The following ACAP2 variants were observed in gnomAD, a reference collection of about 807,000 sequenced individuals.
The protein encoded by ACAP2 is arf-GAP with coiled-coil, ANK repeat and PH domain-containing protein 2.
ACAP2 carries 39 observed loss-of-function variants against 115.8 expected under a neutral mutation model. That is an observed-to-expected ratio of 0.34 (90% CI 0.26 to 0.44). The LOEUF is 0.44. Among genes scored for constraint, ACAP2 ranks in the 20% least tolerant of loss-of-function variants. The pLI is 1.00. For missense variants in ACAP2, 662 were observed against 927.6 expected (o/e 0.71, Z 3.72); for synonymous variants, 289 against 315.8 (o/e 0.92, Z 0.90).
At chr3:195,342,738 G>GT in intron 5 of ACAP2, 84 bp from the exon 6 acceptor site, 2 of 1,084,248 alleles carry the variant, frequency 1.8e-6, no homozygotes. Context: ...GCTCACACCT[G>GT]TAATCCCAGC....
intron 13 of ACAP2, 70 bp downstream of exon 13, chr3:195,306,441 A>G: frequency 1.1e-6 from 1 of 890,950 alleles, no homozygotes; most frequent in Non-Finnish European, 1.7e-6. Context: ...ACATACAGTC[A>G]TATAACGTTG....
In ACAP2 at chr3:195,285,825, C is replaced by T. The variant is rs1214818848; in HGVS notation, c.2207G>A (p.Arg736Gln). The change falls in exon 22 of 23, where the codon CGG (arginine) becomes CAG (glutamine). Residue 736 changes from arginine to glutamine, a missense_variant. This residue lies in a region of ACAP2 where 128 missense variants were observed against 200.2 expected (regional missense o/e 0.64). Transcript: ENST00000326793. Reference sequence around the variant, plus strand: ...CTGTCCATAAAGTCCTTCTGATTCCCGCATCTCTTCATTCATTCTTGCTAA... The same window carrying T: ...CTGTCCATAAAGTCCTTCTGATTCCTGCATCTCTTCATTCATTCTTGCTAA... ...LRLARMNEEM[R>Q]ESEGLYGQPG... 8.7e-6 allele frequency: 14 copies of T among 1,612,018 alleles called. No individual in the cohort carries two copies. Among genetic ancestry groups the T allele is most frequent in the South Asian group, 7.7e-5 (7 of 90,886 alleles).
At chr3:195,402,744 A>G (rs1712420239) in intron 1 of ACAP2, among the ~76,000 whole-genome samples, 1 of 152,240 alleles carries the variant, frequency 6.6e-6, no homozygotes, top group African/African-American at 2.4e-5. Flanking sequence ...GAAAAGAATC[A>G]AACAAGTTAT....
chr3:195,334,222 C>CAA lies in ACAP2; in HGVS notation c.574-1101_574-1100dup, dbSNP rs34378421. 3.0e-4 allele frequency among the ~76,000 whole-genome samples: 39 copies of CAA among 128,054 alleles called. No individual in the cohort carries two copies. In the South Asian group the frequency reaches 3.6e-3, roughly 12 times the overall value. The allele number at this position is 128,054 out of a possible 152,430, so 84.0% of individuals were successfully genotyped here. ...AAAATCCTCCAAAAAAAACTATTTT[C>CAA]AAAAAAAAAAAAACCATTAAAACAC... is the stretch of plus-strand genomic sequence containing the variant. On this transcript the variant is annotated intron_variant, in intron 7 of 22. Transcript: ENST00000326793.
chr3:195,437,488 A>G (rs111932040), intron 1 of ACAP2, among the ~76,000 whole-genome samples: 104 of 152,320 alleles, frequency 6.8e-4, no homozygotes, highest in African/African-American at 2.4e-3. Flanking sequence ...TAATCTATCA[A>G]AATGTCCAGT....
chr3:195,396,526 G>A (rs757962831), intron 1 of ACAP2, among the ~76,000 whole-genome samples: 48 of 151,964 alleles, frequency 3.2e-4, no homozygotes, highest in Non-Finnish European at 6.2e-4. Flanking sequence ...GGTGGCTCAC[G>A]TCTGTAATCC....
At chr3:195,367,182 C>T (rs896362962) in intron 4 of ACAP2, among the ~76,000 whole-genome samples, 2 of 151,788 alleles carry the variant, frequency 1.3e-5, no homozygotes, top group African/African-American at 4.8e-5. Context: ...CTTGTTCAAA[C>T]ACAGATTGCT....
At chr3:195,299,434 T>C (rs1265287739) in intron 15 of ACAP2, among the ~76,000 whole-genome samples, 1 of 151,000 alleles carries the variant, frequency 6.6e-6, no homozygotes, top group Non-Finnish European at 1.5e-5. Context: ...AAAAAATTAC[T>C]TGGGAGGCTG....
chr3:195,387,862 A>G (rs1734406482), intron 2 of ACAP2, among the ~76,000 whole-genome samples: 2 of 152,218 alleles, frequency 1.3e-5, no homozygotes, highest in Non-Finnish European at 2.9e-5. Flanking sequence ...GAACTGTGCT[A>G]AGTACTTTAC....
chr3:195,442,359 CT>C (rs1716069332), intron 1 of ACAP2: 1 of 201,816 alleles, frequency 5.0e-6, no homozygotes, highest in Admixed American at 6.2e-5. Context: ...AGAGGATGCC[CT>C]GAAAGCTCCC....
chr3:195,319,479 A>C (rs1447609593), intron 10 of ACAP2, among the ~76,000 whole-genome samples: 2 of 152,236 alleles, frequency 1.3e-5, no homozygotes, highest in African/African-American at 4.8e-5. Flanking sequence ...GCAGAGCCAC[A>C]GAGGTGGAGT....
intron 22 of ACAP2, chr3:195,279,889 TAATC>T (rs1726378601): frequency 6.6e-6 from 1 of 152,370 alleles, no homozygotes; most frequent in Non-Finnish European, 1.5e-5. Flanking sequence ...GACAAACTGA[TAATC>T]AGATAGGGAA....
At chr3:195,295,510 C>T in intron 17 of ACAP2, 198 bp downstream of exon 17, 1 of 653,804 alleles carries the variant, frequency 1.5e-6, no homozygotes. Context: ...ATACACATTA[C>T]CTAGAAAGGT....
intron 1 of ACAP2, among the ~76,000 whole-genome samples, chr3:195,395,885 C>G (rs1468728070): frequency 6.6e-6 from 1 of 152,134 alleles, no homozygotes; most frequent in Non-Finnish European, 1.5e-5. Flanking sequence ...ATAACAATAC[C>G]TTCATTCTCT....
chr3:195,309,540 C>T lies in ACAP2; in HGVS notation c.858-703G>A, dbSNP rs535854745. On this transcript the variant is annotated intron_variant, in intron 10 of 22. Transcript: ENST00000326793. ...CAGCCTGGGCGACCGAGCAAGACTC[C>T]GTCTCAAAAAAAAAAAAAAAGTATC... Among the ~76,000 whole-genome samples, 31 of 147,128 alleles carry T rather than the reference C, an allele frequency of 2.1e-4. No homozygotes were observed. The East Asian group carries it at 5.6e-3, about 27-fold the overall frequency.
chr3:195,324,863 C>T (rs967526596), intron 9 of ACAP2, among the ~76,000 whole-genome samples: 4 of 151,918 alleles, frequency 2.6e-5, no homozygotes, highest in Non-Finnish European at 4.4e-5. Flanking sequence ...AAGCATCAAC[C>T]GTAAGACTGA....
chr3:195,279,618 A>T, intron 22 of ACAP2, 190 bp from the exon 23 acceptor site: 1 of 403,780 alleles, frequency 2.5e-6, no homozygotes, highest in East Asian at 4.1e-5. Context: ...AAAAAAAACT[A>T]TACCTGAAAA....
At chr3:195,337,735 C>G (rs1162760256) in intron 6 of ACAP2, among the ~76,000 whole-genome samples, 1 of 152,234 alleles carries the variant, frequency 6.6e-6, no homozygotes, top group Non-Finnish European at 1.5e-5. Flanking sequence ...GCGTGAGCCA[C>G]TGCGCCAGGC....
At chr3:195,335,061 A>T (rs11706218) in intron 7 of ACAP2, among the ~76,000 whole-genome samples, 36,421 of 152,040 alleles carry the variant, frequency 0.24, 5,108 homozygotes, top group East Asian at 0.71. Flanking sequence ...TACATCTTTA[A>T]ATGATTTAAA....
Sources: allele counts gnomAD v4.1 joint callset (sites outside exome capture counted in the v4.1 genomes callset), GRCh38; gene constraint gnomAD v4.1.1; regional missense constraint gnomAD v4.1.1; transcripts MANE v1.5; gene names NCBI Gene and HGNC (gene_info 2026-07-23, HGNC 2026-07-21).